The following HSPBP1 variants were observed in gnomAD, a reference collection of about 807,000 sequenced individuals.
HSPBP1 encodes HSPA (Hsp70) binding protein 1, also known as hsp70-binding protein 1.
A neutral mutation model predicts 41.7 loss-of-function variants in HSPBP1; 31 were observed. The ratio of observed to expected loss-of-function variants is 0.74; its 90% confidence interval spans 0.56 to 1.00. The LOEUF (loss-of-function observed/expected upper bound fraction) is 1.00. Among genes scored for constraint, HSPBP1 ranks in the 50% least tolerant of loss-of-function variants. HSPBP1 has a pLI of 0.00. For synonymous variants in HSPBP1, 199 were observed against 214.4 expected, an observed-to-expected ratio of 0.93 and a Z score of 0.63; for missense variants, 439 against 487.9, an observed-to-expected ratio of 0.90 and a Z score of 0.94.
At chr19:55,277,572 G>T (rs1033566866) in intron 3 of HSPBP1, 70 bp downstream of exon 3, 3 of 1,477,666 alleles carry the variant, frequency 2.0e-6, no homozygotes, top group Non-Finnish European at 2.8e-6. Flanking sequence ...CCCAAGAGTA[G>T]GGGCAAGAGC....
rs2087939105 is a variant in HSPBP1 at position 55,272,116 on chromosome 19, G to C, written c.640+2282C>G. Among the ~76,000 whole-genome samples, 1 of 151,700 alleles carries C rather than the reference G, an allele frequency of 6.6e-6. No individual in the cohort carries two copies. The highest frequency in any genetic ancestry group is 2.4e-5 in the African/African-American group (1 of 41,304). On this transcript the variant is annotated intron_variant, in intron 4 of 7. Coordinates refer to ENST00000433386, the MANE Select transcript of HSPBP1 (RefSeq NM_012267.5). The surrounding 1 kb of genome is among the most constrained non-coding windows in gnomAD (Gnocchi z 4.2). Reference sequence around the variant, plus strand: ...CAACCTCGAACAGATTAAATGTAGAGTTACGATATGACCCAGCAACTCCAC... The same window carrying C: ...CAACCTCGAACAGATTAAATGTAGACTTACGATATGACCCAGCAACTCCAC...
intron 3 of HSPBP1, among the ~76,000 whole-genome samples, chr19:55,276,501 C>T (rs3786544): frequency 0.38 from 58,234 of 151,852 alleles, 11,784 homozygotes; most frequent in East Asian, 0.7. Context: ...AGAGAGCGCA[C>T]GAGGCCAGGG....
chr19:55,277,885 A>C, intron 2 of HSPBP1, 39 bp from the exon 3 acceptor site: 1 of 1,452,010 alleles, frequency 6.9e-7, no homozygotes, highest in Non-Finnish European at 9.1e-7. Flanking sequence ...GAGATCCATC[A>C]GTCATTCATT....
intron 3 of HSPBP1, among the ~76,000 whole-genome samples, chr19:55,275,814 G>T (rs535757155): frequency 6.6e-6 from 1 of 152,058 alleles, no homozygotes; most frequent in Non-Finnish European, 1.5e-5. Flanking sequence ...TGGGCATGGT[G>T]GTGGGCGCCT....
At chr19:55,271,572 C>T (rs1046372821) in intron 4 of HSPBP1, among the ~76,000 whole-genome samples, 1 of 152,160 alleles carries the variant, frequency 6.6e-6, no homozygotes, top group African/African-American at 2.4e-5. Flanking sequence ...ATGCTTCCTT[C>T]TTCCGGAATC....
Position 55,262,613 on chromosome 19 carries a change from G to T in HSPBP1, c.1075C>A (p.Arg359=). 6.2e-7 allele frequency: 1 copy of T among 1,613,780 alleles called. No homozygotes were observed. The change falls in exon 8 of 8, where the codon CGG becomes AGG. Residue 359 remains arginine, a synonymous_variant. Transcript: ENST00000433386. ...FSSPADDSMD[R] ...GGGCAAGAAGCCACCTGGTTTCACC[G>T]ATCCATGCTGTCGTCCGCTGGGCTG...
At chr19:55,277,535 G>A in intron 3 of HSPBP1, 107 bp downstream of exon 3, 2 of 1,145,502 alleles carry the variant, frequency 1.7e-6, no homozygotes, top group East Asian at 2.6e-5. Context: ...ATGGTGAGAA[G>A]GCAGCAGGGA....
Position 55,270,459 on chromosome 19 carries a change from TCATGCAA to T in HSPBP1, c.640+3932_640+3938del, listed in dbSNP as rs1166623324. Among the ~76,000 whole-genome samples the T allele has an allele frequency of 6.6e-6, 1 of 151,962 alleles. No individual in the cohort carries two copies. Among genetic ancestry groups the T allele is most frequent in the African/African-American group, 2.4e-5 (1 of 41,344 alleles). ...GCCCGGCTGACGGCTGACCACAACCTCATGCAACCTCATGCAACCTCATGAAGACGCA... is the reference window on the plus strand; with the variant it reads ...GCCCGGCTGACGGCTGACCACAACCTCCTCATGCAACCTCATGAAGACGCA... On this transcript the variant is annotated intron_variant, in intron 4 of 7. Coordinates refer to ENST00000433386, the MANE Select transcript of HSPBP1 (RefSeq NM_012267.5). The surrounding 1 kb of genome is among the most constrained non-coding windows in gnomAD (Gnocchi z 5.4).
intron 3 of HSPBP1, among the ~76,000 whole-genome samples, chr19:55,276,069 A>G (rs1326906650): frequency 7.6e-6 from 1 of 131,834 alleles, no homozygotes; most frequent in East Asian, 2.7e-4. Flanking sequence ...GTGAGCTGAG[A>G]TTGCACCACT....
chr19:55,274,347 A>ACCCCCCCCCCCCCCCCCCCCC, intron 4 of HSPBP1, 51 bp downstream of exon 4: 1 of 325,716 alleles, frequency 3.1e-6, no homozygotes, highest in Non-Finnish European at 5.7e-6. Context: ...CCCACCCGGC[A>ACCCCCCCCCCCCCCCCCCCCC]CCCCCCCCCA....
rs1461366144 is a variant in HSPBP1, at chr19:55,270,859, T to A, written c.640+3539A>T. Among the ~76,000 whole-genome samples the A allele has an allele frequency of 4.1e-5, 6 of 147,958 alleles. No homozygotes were observed. The highest frequency in any genetic ancestry group is 9.0e-5 in the Non-Finnish European group (6 of 67,008). ...TACATACATCCCCCCAGCACACACA[T>A]CCCACACACATACACATGCAACACA... On this transcript the variant is annotated intron_variant, in intron 4 of 7. Coordinates refer to ENST00000433386, the MANE Select transcript of HSPBP1 (RefSeq NM_012267.5). The surrounding 1 kb of genome is among the most constrained non-coding windows in gnomAD (Gnocchi z 5.4).
At chr19:55,279,836 C>T (rs942459090) in intron 1 of HSPBP1, 134 bp from the exon 2 acceptor site, 111 of 984,092 alleles carry the variant, frequency 1.1e-4, no homozygotes, top group Non-Finnish European at 1.5e-4. Flanking sequence ...AGTCATAAGC[C>T]TCTCCTTTCT....
chr19:55,274,311 C>A, intron 4 of HSPBP1, 87 bp downstream of exon 4: 1 of 1,170,386 alleles, frequency 8.5e-7, no homozygotes, highest in Non-Finnish European at 1.2e-6. Context: ...AGATGCCTCT[C>A]CCTCTGCCCC....
In HSPBP1 at chr19:55,266,281, C is replaced by A; in HGVS notation, c.646G>T (p.Val216Phe). ...VKALFAISCLVREQEAGLLQF... is the reference protein window; with the variant it reads ...VKALFAISCLFREQEAGLLQF... ...AGCAGCCCAGCCTCCTGCTCTCGGACCAGACCTGGGAGAGGGGGAAAGGTC... is the reference window on the plus strand; with the variant it reads ...AGCAGCCCAGCCTCCTGCTCTCGGAACAGACCTGGGAGAGGGGGAAAGGTC... The change falls in exon 5 of 8, where the codon GTC (valine) becomes TTC (phenylalanine). Residue 216 changes from valine (V) to phenylalanine (F), a missense_variant. Transcript: ENST00000433386. The A allele has an allele frequency of 1.3e-6, 2 of 1,573,914 alleles. No individual in the cohort carries two copies. The highest frequency in any genetic ancestry group is 1.7e-6 in the Non-Finnish European group (2 of 1,159,920).
chr19:55,274,559 C>G lies in HSPBP1; in HGVS notation c.479G>C (p.Gly160Ala), dbSNP rs76377742. 3.4e-4 allele frequency: 547 copies of G among 1,608,858 alleles called. 3 individuals carry two copies. In the East Asian group the frequency reaches 0.011, roughly 32 times the overall value. Residue 160 changes from glycine to alanine, a missense_variant, in exon 4 of 8, where the codon GGA becomes GCA. Gly to Ala is a moderately conservative substitution (Grantham distance 60, BLOSUM62 0). Transcript: ENST00000433386. ...VGRYLEAGAA[G>A]LRWRAAQLIG... ...GAGCTGTGCCGCCCGCCACCGCAGT[C>G]CCGCAGCCCCCGCCTCCAGGTACCG...
At chr19:55,271,354 G>A (rs2087919747) in intron 4 of HSPBP1, among the ~76,000 whole-genome samples, 1 of 152,034 alleles carries the variant, frequency 6.6e-6, no homozygotes, top group Non-Finnish European at 1.5e-5. Context: ...GGGACCAGGT[G>A]TGAACCACCA....
chr19:55,266,816 GA>G (rs2087802248), intron 4 of HSPBP1, among the ~76,000 whole-genome samples: 1 of 152,096 alleles, frequency 6.6e-6, no homozygotes, highest in Admixed American at 6.5e-5. Flanking sequence ...CTAACTCTAG[GA>G]AATTTTCATC....
Position 55,266,251 on chromosome 19 carries a change from A to G in HSPBP1, c.676T>C (p.Phe226Leu). Residue 226 changes from phenylalanine (F) to leucine (L), a missense_variant, in exon 5 of 8, where the codon TTC (phenylalanine) becomes CTC (leucine). Coordinates refer to ENST00000433386, the MANE Select transcript of HSPBP1 (RefSeq NM_012267.5). ...VREQEAGLLQFLRLDGFSVLM... is the reference protein window; with the variant it reads ...VREQEAGLLQLLRLDGFSVLM... ...ACAGAGAAGCCGTCCAGGCGGAGGA[A>G]CTGCAGCAGCCCAGCCTCCTGCTCT... The G allele has an allele frequency of 6.3e-7, 1 of 1,582,844 alleles. No homozygotes were observed. The highest frequency in any genetic ancestry group is 1.3e-5 in the African/African-American group (1 of 74,418).
At position 55,277,964 on chromosome 19, in the gene HSPBP1, C is replaced by T. The variant is rs150968676; in HGVS notation, c.211-118G>A. 7.2e-4 allele frequency: 635 copies of T among 877,772 alleles called. 9 individuals are homozygous for T. In the East Asian group the frequency reaches 0.017, roughly 23 times the overall value. 54.4% of individuals were successfully genotyped at this position (877,772 alleles called of 1,614,324 possible). On this transcript the variant is annotated intron_variant, in intron 2 of 7. Coordinates refer to ENST00000433386, the MANE Select transcript of HSPBP1 (RefSeq NM_012267.5). ...TGATGTTCCTTCAGTCAACAAATAT[C>T]GGCTGGGAGCTGTGGCTCATCCCTG...
Sources: allele counts gnomAD v4.1 joint callset (sites outside exome capture counted in the v4.1 genomes callset), GRCh38; gene constraint gnomAD v4.1.1; non-coding constraint Gnocchi (gnomAD v3.1); transcripts MANE v1.5; gene names NCBI Gene and HGNC (gene_info 2026-07-23, HGNC 2026-07-21).